Variants in TMA16 observed in about 807,000 individuals in gnomAD.
The protein encoded by TMA16 is translation machinery associated 16 homolog.
In TMA16, 26 loss-of-function variants were observed where a neutral mutation model predicts 27.1. That is an observed-to-expected ratio of 0.96 (90% CI 0.70 to 1.33). TMA16 has a LOEUF of 1.33. TMA16 is among the 40% of genes most tolerant of loss of function. The pLI is 0.00. For missense variants in TMA16, 233 were observed against 241.4 expected, an observed-to-expected ratio of 0.97 and a Z score of 0.23; for synonymous variants, 71 against 81.9, an observed-to-expected ratio of 0.87 and a Z score of 0.72.
chr4:163,500,674 T>C (rs1320292703), intron 1 of TMA16, among the ~76,000 whole-genome samples: 1 of 152,208 alleles, frequency 6.6e-6, no homozygotes, highest in East Asian at 1.9e-4. Flanking sequence ...GAGTTTTTGT[T>C]CATCTAAGTG....
chr4:163,515,193 C>A, intron 4 of TMA16, 120 bp from the exon 5 acceptor site: 1 of 1,038,438 alleles, frequency 9.6e-7, no homozygotes, highest in Non-Finnish European at 1.3e-6. Context: ...ACCTGAGGAA[C>A]TCAGAGAAAC....
chr4:163,501,167 C>G (rs1480338588), intron 1 of TMA16, among the ~76,000 whole-genome samples: 1 of 152,088 alleles, frequency 6.6e-6, no homozygotes, highest in South Asian at 2.1e-4. Context: ...AAGAACTAGT[C>G]CTTCCTTCAT....
At chr4:163,505,897 T>G (rs1737712811) in intron 1 of TMA16, among the ~76,000 whole-genome samples, 1 of 152,206 alleles carries the variant, frequency 6.6e-6, no homozygotes, top group Admixed American at 6.5e-5. Flanking sequence ...GACAATAATT[T>G]TGAAGAAGAG....
In TMA16 at chr4:163,519,392, A is replaced by G; in HGVS notation, c.490A>G (p.Asn164Asp). 3 of 1,607,008 alleles carry G rather than the reference A, an allele frequency of 1.9e-6. No individual in the cohort carries two copies. The highest frequency in any genetic ancestry group is 2.5e-6 in the Non-Finnish European group (3 of 1,177,386). The change falls in exon 7 of 7, where the codon AAT becomes GAT. Residue 164 changes from asparagine to aspartate, a missense_variant. By Grantham distance (23) the Asn-to-Asp change is conservative. Transcript: ENST00000358572. ...PNIKMRKICANDAIPKTCKRK... is the reference protein window; with the variant it reads ...PNIKMRKICADDAIPKTCKRK... ...CATTAAAATGAGAAAAATTTGCGCT[A>G]ATGATGCAATTCCCAAGACGTGCAA...
chr4:163,508,239 A>C (rs1737744392), intron 2 of TMA16, among the ~76,000 whole-genome samples: 2 of 152,180 alleles, frequency 1.3e-5, no homozygotes, highest in Non-Finnish European at 2.9e-5. Flanking sequence ...ACTTAAGTAC[A>C]TGAAATACAT....
rs149775334 is a variant in TMA16 at position 163,520,087 on chromosome 4, AT to A, written c.*575del. ...GGTAAAAGAAAAAAAATCAGTGATG[AT>A]TGTTATGTTGATCTCCCACAATTAA... On this transcript the variant is annotated 3_prime_UTR_variant, in exon 7 of 7. Coordinates refer to ENST00000358572, the MANE Select transcript of TMA16 (RefSeq NM_018352.3). 6.2e-3 allele frequency: 3,401 copies of A among 549,402 alleles called. 79 individuals carry two copies. Among genetic ancestry groups the A allele is most frequent in the African/African-American group, 0.056 (2,848 of 50,970 alleles). 34.0% of individuals were successfully genotyped at this position (549,402 alleles called of 1,614,324 possible).
chr4:163,497,952 T>C (rs1737582934), intron 1 of TMA16, among the ~76,000 whole-genome samples: 1 of 152,228 alleles, frequency 6.6e-6, no homozygotes, highest in Non-Finnish European at 1.5e-5. Flanking sequence ...ATTCAGATAC[T>C]TTATATGTAT....
chr4:163,515,668 G>A, intron 5 of TMA16: 2 of 510,280 alleles, frequency 3.9e-6, no homozygotes, highest in South Asian at 5.0e-5. Context: ...TGACAGTGAT[G>A]TGACATCATG....
chr4:163,519,668 T>C lies in TMA16; in HGVS notation c.*154T>C. The C allele has an allele frequency of 1.4e-6, 1 of 736,588 alleles. No individual in the cohort carries two copies. Among genetic ancestry groups the C allele is most frequent in the Non-Finnish European group, 2.1e-6 (1 of 477,030 alleles). The allele number at this position is 736,588 out of a possible 1,614,324, so 45.6% of individuals were successfully genotyped here. ...CGTTTCAAAAATGGTGTTATGATAC[T>C]TATTTTAAAATGAAGATTGCTTTTC... On this transcript the variant is annotated 3_prime_UTR_variant, in exon 7 of 7. Transcript: ENST00000358572.
intron 1 of TMA16, among the ~76,000 whole-genome samples, chr4:163,504,114 T>C (rs910108857): frequency 6.6e-6 from 1 of 152,230 alleles, no homozygotes; most frequent in African/African-American, 2.4e-5. Context: ...TTTGTAGTTT[T>C]GAACATATTG....
At chr4:163,508,044 G>A (rs1176593247) in intron 2 of TMA16, among the ~76,000 whole-genome samples, 1 of 152,016 alleles carries the variant, frequency 6.6e-6, no homozygotes, top group African/African-American at 2.4e-5. Context: ...TTTCTGCAGG[G>A]TAGTTTTTTA....
intron 2 of TMA16, among the ~76,000 whole-genome samples, chr4:163,507,578 G>A (rs1737736000): frequency 6.6e-6 from 1 of 152,096 alleles, no homozygotes; most frequent in Admixed American, 6.5e-5. Context: ...TCAGAGAATA[G>A]GTTAGGGGTA....
chr4:163,517,065 G>A lies in TMA16; in HGVS notation c.389-369G>A, dbSNP rs772130601. ...ACTACAGGTGCCCGTCACCACGCCC[G>A]GCTAATTTTTGTATTTTCAGTAGAG... On this transcript the variant is annotated intron_variant, in intron 5 of 6. Transcript: ENST00000358572. The A allele has an allele frequency of 1.5e-4, 26 of 175,968 alleles. No individual in the cohort carries two copies. In the East Asian group the frequency reaches 3.2e-3, roughly 22 times the overall value. The allele number at this position is 175,968 out of a possible 1,614,324, so 10.9% of individuals were successfully genotyped here.
At chr4:163,508,380 G>A (rs573471134) in intron 2 of TMA16, among the ~76,000 whole-genome samples, 19 of 152,212 alleles carry the variant, frequency 1.2e-4, no homozygotes, top group Middle Eastern at 6.8e-3. Context: ...TGCTGGTTTA[G>A]GGACCACACT....
chr4:163,512,045 T>C (rs1314671424), intron 2 of TMA16, among the ~76,000 whole-genome samples: 1 of 152,042 alleles, frequency 6.6e-6, no homozygotes. Flanking sequence ...ATAACTTCTC[T>C]GTATGTTCAG....
At chr4:163,516,401 C>T (rs901227546) in intron 5 of TMA16, among the ~76,000 whole-genome samples, 3 of 152,234 alleles carry the variant, frequency 2.0e-5, no homozygotes, top group Non-Finnish European at 2.9e-5. Flanking sequence ...CATTAAGATT[C>T]CTTTACAAAT....
At chr4:163,517,179 G>A in intron 5 of TMA16, 1 of 411,722 alleles carries the variant, frequency 2.4e-6, no homozygotes, top group Non-Finnish European at 4.4e-6. Flanking sequence ...TGGGATTACA[G>A]GCATGAGCCA....
At chr4:163,512,762 C>A in intron 2 of TMA16, 60 bp from the exon 3 acceptor site, 2 of 1,316,336 alleles carry the variant, frequency 1.5e-6, no homozygotes, top group South Asian at 2.8e-5. Flanking sequence ...TTGTTATTGT[C>A]AGAGTTTTAA....
chr4:163,520,215 G>A lies in TMA16; in HGVS notation c.*701G>A, dbSNP rs746958128. Reference sequence around the variant, plus strand: ...GTGAAAAGAGGTAGGTTTTATTTGTGGAGAGAGAGTTGAAGATTAGGGAAC... The same window carrying A: ...GTGAAAAGAGGTAGGTTTTATTTGTAGAGAGAGAGTTGAAGATTAGGGAAC... On this transcript the variant is annotated 3_prime_UTR_variant, in exon 7 of 7. Coordinates refer to ENST00000358572, the MANE Select transcript of TMA16 (RefSeq NM_018352.3). The A allele has an allele frequency of 2.2e-5, 6 of 278,176 alleles. No individual in the cohort carries two copies. The highest frequency in any genetic ancestry group is 4.0e-5 in the Non-Finnish European group (6 of 151,814). The allele number at this position is 278,176 out of a possible 1,614,324, so 17.2% of individuals were successfully genotyped here.
Sources: allele counts gnomAD v4.1 joint callset (sites outside exome capture counted in the v4.1 genomes callset), GRCh38; gene constraint gnomAD v4.1.1; transcripts MANE v1.5; gene names NCBI Gene and HGNC (gene_info 2026-07-23, HGNC 2026-07-21).